Variants in TSHR observed in about 807,000 individuals in gnomAD.
The protein encoded by TSHR is thyroid stimulating hormone receptor.
In TSHR, 51 loss-of-function variants were observed where a neutral mutation model predicts 64.1. The observed-to-expected ratio is 0.80, with a 90% CI of 0.64 to 1.01. The LOEUF (loss-of-function observed/expected upper bound fraction) is 1.01, where lower values mean the gene tolerates loss of function less well. Ranked by LOEUF, TSHR falls within the 50% of genes least tolerant of loss-of-function variation. The pLI, the probability that TSHR is intolerant of heterozygous loss-of-function variation, is 0.00. For synonymous variants in TSHR, 361 were observed against 361.9 expected (o/e 1.00, Z 0.03); for missense variants, 877 against 942.8 (o/e 0.93, Z 0.91).
At chr14:81,090,956 T>C (rs1244765970) in intron 4 of TSHR, 113 bp from the exon 5 acceptor site, 1 of 874,492 alleles carries the variant, frequency 1.1e-6, no homozygotes, top group African/African-American at 1.7e-5. Context: ...GGAGTTTGAC[T>C]ACAGGTTGTC....
chr14:81,057,789 T>C (rs1314499684), intron 1 of TSHR, among the ~76,000 whole-genome samples: 1 of 152,200 alleles, frequency 6.6e-6, no homozygotes, highest in Non-Finnish European at 1.5e-5. Context: ...AAGTTTGGTG[T>C]TTCTGGACCA....
At chr14:81,066,924 G>A (rs1886657257) in intron 2 of TSHR, among the ~76,000 whole-genome samples, 2 of 152,098 alleles carry the variant, frequency 1.3e-5, no homozygotes, top group Admixed American at 6.5e-5. Flanking sequence ...GGCTGCATTA[G>A]TCATTCTCAT....
At chr14:81,076,965 G>C (rs1002011607) in intron 3 of TSHR, among the ~76,000 whole-genome samples, 4 of 152,100 alleles carry the variant, frequency 2.6e-5, no homozygotes, top group African/African-American at 9.7e-5. Context: ...TTTTTGAACA[G>C]TCCAATATCT....
chr14:81,012,185 G>A (rs1347708529), intron 1 of TSHR: 1 of 150,184 alleles, frequency 6.7e-6, no homozygotes, highest in African/African-American at 2.5e-5. Flanking sequence ...GTGAGAATAT[G>A]CGGTGTTTGG....
chr14:81,038,092 A>T (rs1884740768), intron 1 of TSHR, among the ~76,000 whole-genome samples: 1 of 152,058 alleles, frequency 6.6e-6, no homozygotes, highest in Non-Finnish European at 1.5e-5. Context: ...GCCACAAAAC[A>T]AGTCTCAACA....
At position 81,139,693 on chromosome 14, in the gene TSHR, C is replaced by G; in HGVS notation, c.707C>G (p.Thr236Ser). Residue 236 changes from threonine to serine, a missense_variant, in exon 9 of 10, where the codon ACC (threonine) becomes AGC (serine). Transcript: ENST00000298171. ...SGPSLLDVSQ[T>S]SVTALPSKGL... ...CTGCCTCCCAGGGACGTGTCTCAAA[C>G]CAGTGTCACTGCCCTTCCATCCAAA... is the stretch of plus-strand genomic sequence containing the variant. 6 of 1,614,136 alleles carry G rather than the reference C, an allele frequency of 3.7e-6. No individual in the cohort carries two copies. Among genetic ancestry groups the G allele is most frequent in the Non-Finnish European group, 5.1e-6 (6 of 1,180,028 alleles).
intron 8 of TSHR, among the ~76,000 whole-genome samples, chr14:81,136,832 ACATAT>A (rs1439842130): frequency 6.6e-6 from 1 of 152,184 alleles, no homozygotes; most frequent in Non-Finnish European, 1.5e-5. Flanking sequence ...ATATGTCATT[ACATAT>A]ACTCAGACAA....
At position 81,043,750 on chromosome 14, in the gene TSHR, G is replaced by C. The variant is rs964231162; in HGVS notation, c.171-18398G>C. ...ACAAGAACAGACACATAGACCAATG[G>C]AACAGAAAAAAAGAACTCGGAAACA... On this transcript the variant is annotated intron_variant, in intron 1 of 9. Transcript: ENST00000298171. 3.9e-5 allele frequency among the ~76,000 whole-genome samples: 6 copies of C among 152,072 alleles called. No individual in the cohort carries two copies. The East Asian group carries it at 9.7e-4, about 25-fold the overall frequency.
chr14:81,062,267 T>A, intron 2 of TSHR, 48 bp downstream of exon 2: 1 of 1,400,108 alleles, frequency 7.1e-7, no homozygotes, highest in Non-Finnish European at 1.0e-6. Flanking sequence ...GATATGTTAT[T>A]CTCTAAACGT....
At chr14:81,000,973 C>T (rs1889278850) in intron 1 of TSHR, among the ~76,000 whole-genome samples, 2 of 152,014 alleles carry the variant, frequency 1.3e-5, no homozygotes, top group South Asian at 4.1e-4. Context: ...GTAAAATGCA[C>T]CAACTTTTCA....
At chr14:81,121,047 G>A (rs1415016213) in intron 8 of TSHR, among the ~76,000 whole-genome samples, 4 of 151,992 alleles carry the variant, frequency 2.6e-5, no homozygotes, top group African/African-American at 7.2e-5. Flanking sequence ...TTCAAGCCAC[G>A]AGGTCCACAA....
chr14:81,075,702 G>C (rs946039358), intron 3 of TSHR, among the ~76,000 whole-genome samples: 2 of 141,078 alleles, frequency 1.4e-5, no homozygotes, highest in African/African-American at 2.7e-5. Flanking sequence ...TGGTGGGACT[G>C]TAAACTAGTT....
chr14:81,135,406 GA>G (rs1163732275), intron 8 of TSHR, among the ~76,000 whole-genome samples: 4 of 152,148 alleles, frequency 2.6e-5, no homozygotes, highest in Non-Finnish European at 5.9e-5. Flanking sequence ...ATGTCCTTTA[GA>G]AAAAACATTC....
intron 1 of TSHR, among the ~76,000 whole-genome samples, chr14:81,021,909 A>G (rs1193728260): frequency 1.3e-5 from 2 of 152,284 alleles, no homozygotes; most frequent in East Asian, 3.9e-4. Context: ...TCAACAACTG[A>G]CATTACTCAA....
intron 7 of TSHR, chr14:81,104,639 G>T: frequency 3.0e-6 from 3 of 985,366 alleles, no homozygotes; most frequent in Non-Finnish European, 3.6e-6. Context: ...AGAAAAGGGC[G>T]TACATAAACA....
Position 81,092,584 on chromosome 14 carries a change from G to A in TSHR, c.521G>A (p.Gly174Glu). The change falls in exon 6 of 10, where the codon GGA becomes GAA. Residue 174 changes from glycine to glutamate, a missense_variant. By Grantham distance (98) the Gly-to-Glu change is moderately conservative. Transcript: ENST00000298171. Reference protein sequence around the residue: ...MTSIPVNAFQGLCNETLTLKL... With the variant: ...MTSIPVNAFQELCNETLTLKL... ...TCAATCCCTGTGAATGCTTTTCAGGGACTATGCAATGAAACCTTGACACTG... is the reference window on the plus strand; with the variant it reads ...TCAATCCCTGTGAATGCTTTTCAGGAACTATGCAATGAAACCTTGACACTG... 6.2e-7 allele frequency: 1 copy of A among 1,613,926 alleles called. No homozygotes were observed. The highest frequency in any genetic ancestry group is 8.5e-7 in the Non-Finnish European group (1 of 1,179,964).
intron 3 of TSHR, among the ~76,000 whole-genome samples, chr14:81,072,451 C>T (rs1403882324): frequency 6.6e-6 from 1 of 152,048 alleles, no homozygotes; most frequent in Non-Finnish European, 1.5e-5. Flanking sequence ...TTTTAACTCA[C>T]AGGGCAGCTA....
chr14:81,073,712 C>T (rs1887284489), intron 3 of TSHR, among the ~76,000 whole-genome samples: 1 of 152,052 alleles, frequency 6.6e-6, no homozygotes, highest in African/African-American at 2.4e-5. Flanking sequence ...CTTAAGACAA[C>T]ATATATTAGA....
intron 1 of TSHR, among the ~76,000 whole-genome samples, chr14:81,048,890 A>G (rs1885298322): frequency 6.6e-6 from 1 of 152,120 alleles, no homozygotes; most frequent in South Asian, 2.1e-4. Context: ...TCTTTCTTAA[A>G]TGTATATATA....
Sources: gnomAD v4.1 joint callset for allele counts (sites outside exome capture counted in the v4.1 genomes callset) on GRCh38, gnomAD v4.1.1 for gene constraint, MANE v1.5 for transcripts, NCBI Gene and HGNC (gene_info 2026-07-23, HGNC 2026-07-21) for gene names.